Variants in BPIFB4 observed in about 807,000 individuals in gnomAD.
BPIFB4 encodes BPI fold-containing family B member 4.
A neutral mutation model predicts 69.2 loss-of-function variants in BPIFB4; 62 were observed. The ratio of observed to expected loss-of-function variants is 0.90; its 90% CI spans 0.73 to 1.11. The LOEUF is 1.11. Ranked by LOEUF, BPIFB4 falls within the 50% of genes least tolerant of loss-of-function variation. BPIFB4 has a pLI of 0.00. For missense variants in BPIFB4, 789 were observed against 792.0 expected, an observed-to-expected ratio of 1.00 and a Z score of 0.04; for synonymous variants, 330 against 332.7, an observed-to-expected ratio of 0.99 and a Z score of 0.09.
intron 2 of BPIFB4, among the ~76,000 whole-genome samples, chr20:33,081,282 A>G (rs939823689): frequency 2.0e-5 from 3 of 152,220 alleles, no homozygotes; most frequent in African/African-American, 7.2e-5. Flanking sequence ...TCTCTGAAAC[A>G]GTGTGTTTAA....
rs1982242333 is a variant in BPIFB4 at position 33,111,638 on chromosome 20, T to C, written c.*201T>C. 1.1e-5 allele frequency: 7 copies of C among 622,274 alleles called. No homozygotes were observed. Among genetic ancestry groups the C allele is most frequent in the African/African-American group, 9.1e-5 (5 of 54,870 alleles). The allele number at this position is 622,274 out of a possible 1,614,324, so 38.5% of individuals were successfully genotyped here. The stretch of plus-strand genomic sequence containing the variant: ...CCCTGTTGGCAAACATTCCCTTCCA[T>C]GGTCAGCCTGCCAGGAGGAGGGGAG... On this transcript the variant is annotated 3_prime_UTR_variant, in exon 18 of 18. Coordinates refer to ENST00000375483, the MANE Select transcript of BPIFB4 (RefSeq NM_182519.3).
chr20:33,089,455 C>T, intron 8 of BPIFB4, 43 bp from the exon 9 acceptor site: 1 of 1,614,096 alleles, frequency 6.2e-7, no homozygotes, highest in Non-Finnish European at 8.5e-7. Context: ...TGCTCCTACT[C>T]CCTGCAGCGT....
Position 33,102,943 on chromosome 20 carries a change from T to G in BPIFB4, c.1638-29T>G, listed in dbSNP as rs748187088. The G allele has an allele frequency of 1.9e-6, 3 of 1,612,414 alleles. No homozygotes were observed. In the East Asian group the frequency reaches 6.7e-5, roughly 36 times the overall value. ...CTTATGATTTTCAGGCAATCCCTGC[T>G]TCTCACAGGCTGTTTTCTTCGTCTA... On this transcript the variant is annotated intron_variant, in intron 14 of 17. Transcript: ENST00000375483.
At chr20:33,105,894 G>A (rs1048184653) in intron 16 of BPIFB4, among the ~76,000 whole-genome samples, 8 of 152,164 alleles carry the variant, frequency 5.3e-5, no homozygotes, top group Admixed American at 6.5e-5. Context: ...ACTTGGGGGC[G>A]AGTCTTTTAA....
intron 12 of BPIFB4, 143 bp downstream of exon 12, chr20:33,095,296 G>A: frequency 3.3e-6 from 3 of 896,880 alleles, no homozygotes; most frequent in Non-Finnish European, 5.5e-6. Flanking sequence ...ACAGTGACAA[G>A]GGCTTGCAGG....
rs1361887053 is a variant in BPIFB4, at chr20:33,083,767, G to T, written c.570G>T (p.Leu190=). The T allele has an allele frequency of 1.2e-5, 20 of 1,613,772 alleles. No individual in the cohort carries two copies. The Admixed American group carries it at 1.5e-4, about 12-fold the overall frequency. ...GCATCCTCGCAGGCCAAGGTGGCCT[G>T]CTCGGCGGAGGTGGTCTCCTTGGTG... ...ADGILAGQGG[L]LGGGGLLGDG... The change falls in exon 5 of 18, where the codon CTG becomes CTT. Residue 190 remains leucine (L), a synonymous_variant. Transcript: ENST00000375483.
intron 5 of BPIFB4, among the ~76,000 whole-genome samples, chr20:33,084,261 A>G (rs1379441917): frequency 6.6e-6 from 1 of 152,236 alleles, no homozygotes; most frequent in Non-Finnish European, 1.5e-5. Context: ...TGTTTAATTT[A>G]ACAAATATTT....
At chr20:33,095,385 C>A (rs1568586165) in intron 12 of BPIFB4, among the ~76,000 whole-genome samples, 1 of 152,146 alleles carries the variant, frequency 6.6e-6, no homozygotes, top group Non-Finnish European at 1.5e-5. Context: ...GGTGGTCCAG[C>A]CTGCATAGGC....
chr20:33,104,878 G>A lies in BPIFB4; in HGVS notation c.1744+5G>A. On this transcript the variant is annotated splice_donor_5th_base_variant and intron_variant, in intron 16 of 17. Coordinates refer to ENST00000375483, the MANE Select transcript of BPIFB4 (RefSeq NM_182519.3). ...CATTCATGCCCGCAATGAACGGTGA[G>A]AGCGGGTGCCTGTGCCTCTCTGGGA... is the stretch of plus-strand genomic sequence containing the variant. 1 of 1,614,010 alleles carries A rather than the reference G, an allele frequency of 6.2e-7. No homozygotes were observed. The highest frequency in any genetic ancestry group is 8.5e-7 in the Non-Finnish European group (1 of 1,179,918).
At position 33,090,811 on chromosome 20, in the gene BPIFB4, G is replaced by C; in HGVS notation, c.1143+12G>C. The stretch of plus-strand genomic sequence containing the variant: ...AGCTGGACCTCAACGTGAGTGCCTG[G>C]GGTTCAGGGCAAAGGGTGGTGGCCC... On this transcript the variant is annotated intron_variant, in intron 10 of 17. Coordinates refer to ENST00000375483, the MANE Select transcript of BPIFB4 (RefSeq NM_182519.3). The C allele has an allele frequency of 6.2e-7, 1 of 1,614,006 alleles. No individual in the cohort carries two copies. The highest frequency in any genetic ancestry group is 8.5e-7 in the Non-Finnish European group (1 of 1,179,952).
At chr20:33,108,742 G>A (rs1180815212) in intron 17 of BPIFB4, among the ~76,000 whole-genome samples, 2 of 152,158 alleles carry the variant, frequency 1.3e-5, no homozygotes, top group Admixed American at 1.3e-4. Flanking sequence ...GCACAGGCCT[G>A]GCACATAATA....
At position 33,099,729 on chromosome 20, in the gene BPIFB4, C is replaced by T. The variant is rs117162543; in HGVS notation, c.1570-697C>T. Reference sequence around the variant, plus strand: ...GTCCAAACACCATTTCCCACACCAGCTTACACCCCTGGCACGTGCACCCAG... The same window carrying T: ...GTCCAAACACCATTTCCCACACCAGTTTACACCCCTGGCACGTGCACCCAG... On this transcript the variant is annotated intron_variant, in intron 13 of 17. Transcript: ENST00000375483. 1.4e-3 allele frequency among the ~76,000 whole-genome samples: 218 copies of T among 152,292 alleles called. 1 individual carries two copies. In the East Asian group the frequency reaches 0.016, roughly 11 times the overall value.
rs1466041117 is a variant in BPIFB4 at position 33,092,594 on chromosome 20, TG to T, written c.1283del (p.Gly428AlafsTer4). 6.2e-7 allele frequency: 1 copy of T among 1,613,782 alleles called. No individual in the cohort carries two copies. Among genetic ancestry groups the T allele is most frequent in the Middle Eastern group, 1.6e-4 (1 of 6,084 alleles). On this transcript the variant is annotated frameshift_variant, in exon 11 of 18. Transcript: ENST00000375483. LOFTEE classifies it high-confidence loss of function. ...CAGCTGGCCATGTCTGCCAACTTCC[TG>T]GGCTCAGTGCTGACTCTACTGCAGA... is the stretch of plus-strand genomic sequence containing the variant. ...KSQLAMSANF[L>X]GSVLTLLQKQ...
intron 3 of BPIFB4, among the ~76,000 whole-genome samples, chr20:33,082,020 T>G (rs1473876463): frequency 6.6e-6 from 1 of 152,214 alleles, no homozygotes; most frequent in Non-Finnish European, 1.5e-5. Flanking sequence ...GATATGAGAA[T>G]GAAATGAAAT....
chr20:33,093,186 C>T (rs1421195151), intron 11 of BPIFB4, among the ~76,000 whole-genome samples: 1 of 152,124 alleles, frequency 6.6e-6, no homozygotes, highest in African/African-American at 2.4e-5. Flanking sequence ...ACAGTTGCTT[C>T]ATATCTACCT....
chr20:33,080,010 G>A (rs1027996306), intron 1 of BPIFB4, among the ~76,000 whole-genome samples: 2 of 152,190 alleles, frequency 1.3e-5, no homozygotes, highest in Non-Finnish European at 1.5e-5. Context: ...TCTTCCATCG[G>A]TGCCCATCTT....
chr20:33,095,250 G>T (rs879047890), intron 12 of BPIFB4, 97 bp downstream of exon 12: 9 of 1,336,716 alleles, frequency 6.7e-6, no homozygotes, highest in South Asian at 5.9e-5. Context: ...CTGGGGTGGG[G>T]TGCTCTCCCC....
At chr20:33,107,658 C>A in intron 16 of BPIFB4, 86 bp from the exon 17 acceptor site, 1 of 1,027,118 alleles carries the variant, frequency 9.7e-7, no homozygotes, top group Admixed American at 1.8e-5. Flanking sequence ...AAGAAATTGC[C>A]AATCTTCTTA....
chr20:33,083,735 G>A lies in BPIFB4; in HGVS notation c.538G>A (p.Ala180Thr), dbSNP rs201505694. ...GLLGTGGMLA[A>T]DGILAGQGGL... ...GCTGGGCACTGGAGGCATGCTGGCA[G>A]CTGATGGCATCCTCGCAGGCCAAGG... The change falls in exon 5 of 18, where the codon GCT (alanine) becomes ACT (threonine). Residue 180 changes from alanine (A) to threonine (T), a missense_variant. Coordinates refer to ENST00000375483, the MANE Select transcript of BPIFB4 (RefSeq NM_182519.3). 250 of 1,614,044 alleles carry A rather than the reference G, an allele frequency of 1.5e-4. No individual in the cohort carries two copies. Among genetic ancestry groups the A allele is most frequent in the Non-Finnish European group, 1.8e-4 (207 of 1,179,962 alleles).
Sources: gnomAD v4.1 joint callset for allele counts (sites outside exome capture counted in the v4.1 genomes callset) on GRCh38, gnomAD v4.1.1 for gene constraint, MANE v1.5 for transcripts, NCBI Gene and HGNC (gene_info 2026-07-23, HGNC 2026-07-21) for gene names.